The following GRIP1 variants were observed in gnomAD, a reference collection of about 807,000 sequenced individuals.
The protein encoded by GRIP1 is glutamate receptor interacting protein 1.
Under a neutral mutation model 129.9 loss-of-function variants are expected in GRIP1, and 45 were observed. That is an observed-to-expected ratio of 0.35 (90% CI 0.27 to 0.44). The LOEUF (loss-of-function observed/expected upper bound fraction) is 0.44. Among genes scored for constraint, GRIP1 ranks in the 20% least tolerant of loss-of-function variants. The pLI is 1.00. For synonymous variants in GRIP1, 530 were observed against 520.8 expected (o/e 1.02, Z -0.24); for missense variants, 1,196 against 1,396.8 (o/e 0.86, Z 2.29).
At chr12:66,621,105 T>C (rs2050996160) in intron 1 of GRIP1, among the ~76,000 whole-genome samples, 1 of 152,152 alleles carries the variant, frequency 6.6e-6, no homozygotes. Context: ...TATGGTAAAA[T>C]AGACATAACA....
chr12:66,707,502 CT>C (rs1161773459), intron 1 of GRIP1, among the ~76,000 whole-genome samples: 2,870 of 85,966 alleles, frequency 0.033, 70 homozygotes, highest in African/African-American at 0.075. Flanking sequence ...CAATCACTGA[CT>C]AAAAAAAAAA....
intron 16 of GRIP1, among the ~76,000 whole-genome samples, chr12:66,395,591 C>T (rs3960132): frequency 0.91 from 137,802 of 152,260 alleles, 63,938 homozygotes; most frequent in East Asian, 1. Context: ...TGTCCTCTCT[C>T]GCCAGCACTT....
At chr12:66,352,801 T>G (rs2054299004) in intron 24 of GRIP1, among the ~76,000 whole-genome samples, 3 of 150,472 alleles carry the variant, frequency 2.0e-5, no homozygotes, top group Non-Finnish European at 4.4e-5. Context: ...CTCCAATTAG[T>G]TAGCAAATTG....
At chr12:66,523,261 G>T (rs1224266847) in intron 5 of GRIP1, among the ~76,000 whole-genome samples, 8 of 151,472 alleles carry the variant, frequency 5.3e-5, no homozygotes, top group Admixed American at 5.3e-4. Flanking sequence ...AGGAAAAAAT[G>T]TTAAAGGCAG....
chr12:66,447,210 G>A (rs1018151059), intron 11 of GRIP1, among the ~76,000 whole-genome samples: 24 of 149,404 alleles, frequency 1.6e-4, no homozygotes, highest in African/African-American at 5.1e-4. Flanking sequence ...CTGGACCCCT[G>A]GTGAGCATTT....
intron 1 of GRIP1, among the ~76,000 whole-genome samples, chr12:66,723,911 A>C (rs2870909): frequency 0.18 from 26,668 of 152,144 alleles, 2,516 homozygotes; most frequent in Non-Finnish European, 0.2. Context: ...TGATTAGGTC[A>C]GTGGTAGAGG....
At chr12:66,936,771 C>T (rs994793577) in intron 1 of GRIP1, among the ~76,000 whole-genome samples, 1 of 152,154 alleles carries the variant, frequency 6.6e-6, no homozygotes, top group Non-Finnish European at 1.5e-5. Flanking sequence ...ATTAGAACTG[C>T]ATTAAAGCAT....
intron 4 of GRIP1, among the ~76,000 whole-genome samples, chr12:66,536,027 T>C (rs2061594394): frequency 6.6e-6 from 1 of 152,186 alleles, no homozygotes; most frequent in South Asian, 2.1e-4. Context: ...TAACGGATAC[T>C]CTGTCCTTCC....
intron 1 of GRIP1, among the ~76,000 whole-genome samples, chr12:66,969,478 C>T (rs1387196357): frequency 2.0e-5 from 3 of 152,194 alleles, no homozygotes; most frequent in Non-Finnish European, 4.4e-5. Context: ...TAGCTAACTG[C>T]AGCCTCCACC....
At chr12:66,603,666 G>A (rs1275251640) in intron 1 of GRIP1, among the ~76,000 whole-genome samples, 2 of 152,234 alleles carry the variant, frequency 1.3e-5, no homozygotes, top group African/African-American at 4.8e-5. Flanking sequence ...CTGGCAGAAT[G>A]CCAGTCATAT....
intron 1 of GRIP1, among the ~76,000 whole-genome samples, chr12:66,935,743 G>A (rs1414335029): frequency 6.6e-6 from 1 of 152,160 alleles, no homozygotes; most frequent in Admixed American, 6.5e-5. Flanking sequence ...ACAGGAATCG[G>A]AAGTGAGGTA....
intron 15 of GRIP1, among the ~76,000 whole-genome samples, chr12:66,409,975 G>T (rs1441734265): frequency 6.6e-6 from 1 of 152,206 alleles, no homozygotes; most frequent in Non-Finnish European, 1.5e-5. Context: ...TAGTGGCCGG[G>T]CGCGGTGGCT....
At chr12:66,671,687 G>A (rs568311885) in intron 1 of GRIP1, among the ~76,000 whole-genome samples, 2 of 152,214 alleles carry the variant, frequency 1.3e-5, no homozygotes, top group South Asian at 2.1e-4. Flanking sequence ...GCTGCTTCTC[G>A]CCTCTCCTTC....
intron 1 of GRIP1, among the ~76,000 whole-genome samples, chr12:67,018,738 C>A (rs925413812): frequency 2.0e-5 from 3 of 152,152 alleles, no homozygotes; most frequent in Non-Finnish European, 4.4e-5. Context: ...GGCCTCTGAA[C>A]ACTCCATTTC....
intron 1 of GRIP1, among the ~76,000 whole-genome samples, chr12:66,988,258 G>C (rs866272267): frequency 6.6e-6 from 1 of 152,218 alleles, no homozygotes. Context: ...ATACGGCCTG[G>C]GTGATGGGAG....
intron 20 of GRIP1, among the ~76,000 whole-genome samples, chr12:66,378,603 C>T (rs2055933622): frequency 6.6e-6 from 1 of 151,782 alleles, no homozygotes; most frequent in African/African-American, 2.4e-5. Context: ...AAAAATTAGC[C>T]AGGCGTGGTG....
chr12:66,465,478 C>T (rs1201905038), intron 7 of GRIP1, 56 bp from the exon 8 acceptor site: 25 of 1,448,168 alleles, frequency 1.7e-5, no homozygotes, highest in Middle Eastern at 1.7e-4. Context: ...AGCAAAGAGA[C>T]AAAAGAAAGA....
rs558368635 is a variant in GRIP1, at chr12:66,633,760, C to G, written c.56-36833G>C. ...TATTTCATAAGCTGTGCTCTTACCC[C>G]CTCTGCTATGTGACCCCTGGCCACA... On this transcript the variant is annotated intron_variant, in intron 1 of 24. Coordinates refer to ENST00000359742, the MANE Select transcript of GRIP1 (RefSeq NM_001366722.1). Among the ~76,000 whole-genome samples the G allele has an allele frequency of 3.3e-5, 5 of 152,156 alleles. No homozygotes were observed. In the South Asian group the frequency reaches 8.3e-4, roughly 25 times the overall value.
intron 14 of GRIP1, among the ~76,000 whole-genome samples, chr12:66,425,938 ATTGT>A (rs2057972081): frequency 6.6e-6 from 1 of 151,640 alleles, no homozygotes; most frequent in Non-Finnish European, 1.5e-5. Context: ...AAACCTGCAC[ATTGT>A]GCACGTGTAC....
Sources: gnomAD v4.1 joint callset for allele counts (sites outside exome capture counted in the v4.1 genomes callset) on GRCh38, gnomAD v4.1.1 for gene constraint, MANE v1.5 for transcripts, NCBI Gene and HGNC (gene_info 2026-07-23, HGNC 2026-07-21) for gene names.